Variants in TENM2 observed in about 807,000 individuals in gnomAD.
TENM2 encodes teneurin transmembrane protein 2.
TENM2 carries 52 observed loss-of-function variants against 245.2 expected under a neutral mutation model. The observed-to-expected ratio is 0.21, with a 90% CI of 0.17 to 0.27. TENM2 has a LOEUF of 0.27. Ranked by LOEUF, TENM2 falls within the 10% of genes least tolerant of loss-of-function variation. The probability of loss-of-function intolerance (pLI) is 1.00; values close to 1 mark genes in which losing one functional copy is unlikely to be tolerated. For synonymous variants in TENM2, 1,363 were observed against 1,438.9 expected, an observed-to-expected ratio of 0.95 and a Z score of 1.19; for missense variants, 3,046 against 3,666.8, an observed-to-expected ratio of 0.83 and a Z score of 4.37.
chr5:168,080,820 T>C (rs1300219421), intron 7 of TENM2, among the ~76,000 whole-genome samples: 1 of 152,212 alleles, frequency 6.6e-6, no homozygotes, highest in Non-Finnish European at 1.5e-5. Context: ...TTCTGTTCTT[T>C]TACATTTGCT....
At chr5:167,444,218 A>G (rs1306740306) in intron 2 of TENM2, among the ~76,000 whole-genome samples, 2 of 152,110 alleles carry the variant, frequency 1.3e-5, no homozygotes, top group East Asian at 1.9e-4. Flanking sequence ...ACTTTCTTTT[A>G]TATTTCTACA....
chr5:167,503,181 A>G (rs1769321259), intron 2 of TENM2, among the ~76,000 whole-genome samples: 1 of 152,160 alleles, frequency 6.6e-6, no homozygotes, highest in Admixed American at 6.6e-5. Flanking sequence ...CAAAATTTGG[A>G]AATACAGTAA....
chr5:167,032,470 A>T, the TENM2 span, among the ~76,000 whole-genome samples: 1 of 152,186 alleles, frequency 6.6e-6, no homozygotes, highest in African/African-American at 2.4e-5. Flanking sequence ...AACCAACGAA[A>T]TGCCCTTGTG....
chr5:167,858,721 G>T (rs903851817), intron 2 of TENM2, among the ~76,000 whole-genome samples: 3 of 150,746 alleles, frequency 2.0e-5, no homozygotes, highest in Non-Finnish European at 4.4e-5. Context: ...CCGCTGCCGC[G>T]ACCGACCGCA....
intron 2 of TENM2, among the ~76,000 whole-genome samples, chr5:167,600,493 C>A (rs1485426953): frequency 6.6e-6 from 1 of 151,990 alleles, no homozygotes; most frequent in Non-Finnish European, 1.5e-5. Flanking sequence ...GAAAATAGAT[C>A]CACAAATGTC....
intron 2 of TENM2, among the ~76,000 whole-genome samples, chr5:167,854,076 A>G (rs776923914): frequency 2.6e-5 from 4 of 152,196 alleles, no homozygotes; most frequent in African/African-American, 7.2e-5. Context: ...CACATCACCT[A>G]TCTTCCATTT....
intron 13 of TENM2, among the ~76,000 whole-genome samples, chr5:168,168,148 G>C (rs980648528): frequency 6.6e-6 from 1 of 152,170 alleles, no homozygotes; most frequent in Admixed American, 6.5e-5. Context: ...TTATTAGTCA[G>C]ACATAGAATG....
At chr5:167,375,020 T>G (rs1435078710) in intron 1 of TENM2, among the ~76,000 whole-genome samples, 178 bp from the exon 4 acceptor site, 2 of 152,196 alleles carry the variant, frequency 1.3e-5, no homozygotes, top group Non-Finnish European at 2.9e-5. Context: ...CTTTTGTTTG[T>G]TTTTCAAAGG....
chr5:167,577,319 A>G (rs1002325178), intron 2 of TENM2, among the ~76,000 whole-genome samples: 13 of 152,128 alleles, frequency 8.5e-5, no homozygotes, highest in African/African-American at 3.1e-4. Context: ...TATGTTGGAG[A>G]GCTTTCGGTT....
the TENM2 span, among the ~76,000 whole-genome samples, chr5:166,990,762 C>G: frequency 6.6e-6 from 1 of 152,118 alleles, no homozygotes; most frequent in African/African-American, 2.4e-5. Context: ...TTTTACTTTT[C>G]TGTTAAATAG....
At chr5:167,484,787 T>A (rs1263944364) in intron 2 of TENM2, among the ~76,000 whole-genome samples, 1 of 152,130 alleles carries the variant, frequency 6.6e-6, no homozygotes, top group Non-Finnish European at 1.5e-5. Context: ...AACATAGAGT[T>A]CCCTCAAGAG....
At chr5:168,065,267 T>C (rs1790397691) in intron 7 of TENM2, among the ~76,000 whole-genome samples, 1 of 152,214 alleles carries the variant, frequency 6.6e-6, no homozygotes, top group South Asian at 2.1e-4. Flanking sequence ...CCTGCTTAAA[T>C]TTCCCAAGAA....
intron 2 of TENM2, among the ~76,000 whole-genome samples, chr5:167,393,165 T>C (rs528110074): frequency 3.7e-4 from 52 of 142,364 alleles, no homozygotes; most frequent in African/African-American, 1.2e-3. Flanking sequence ...TATTAGGCAA[T>C]AAAAAATGAA....
At chr5:167,766,911 C>CA (rs1379294632) in intron 2 of TENM2, among the ~76,000 whole-genome samples, 2 of 151,498 alleles carry the variant, frequency 1.3e-5, no homozygotes, top group African/African-American at 4.9e-5. Flanking sequence ...AAACAAAAAA[C>CA]AAAAAACAAA....
intron 4 of TENM2, among the ~76,000 whole-genome samples, chr5:167,991,774 A>G (rs2152006047): frequency 6.6e-6 from 1 of 152,372 alleles, no homozygotes; most frequent in South Asian, 2.1e-4. Flanking sequence ...AACAGGAATC[A>G]GGATTTCACG....
chr5:167,048,742 T>C, the TENM2 span, among the ~76,000 whole-genome samples: 1 of 152,218 alleles, frequency 6.6e-6, no homozygotes, highest in African/African-American at 2.4e-5. Flanking sequence ...TGTTACCTTT[T>C]ATCTTGAGTT....
In TENM2 at chr5:168,211,073, TAGAA is replaced by T. The variant is rs532909532; in HGVS notation, c.3825-656_3825-653del. Reference sequence around the variant, plus strand: ...TATTGCAATATTGGACGTTACCTTTTAGAAAGAATGCATATTTGGGGTCCCACCC... The same window carrying T: ...TATTGCAATATTGGACGTTACCTTTTAGAATGCATATTTGGGGTCCCACCC... On this transcript the variant is annotated intron_variant, in intron 19 of 28. Transcript: ENST00000518659. Among the ~76,000 whole-genome samples, 414 of 152,326 alleles carry T rather than the reference TAGAA, an allele frequency of 2.7e-3. 5 individuals carry two copies. Among genetic ancestry groups the T allele is most frequent in the African/African-American group, 9.5e-3 (394 of 41,578 alleles).
At chr5:167,967,350 G>A (rs545378135) in intron 4 of TENM2, among the ~76,000 whole-genome samples, 12 of 152,202 alleles carry the variant, frequency 7.9e-5, no homozygotes, top group East Asian at 1.9e-4. Flanking sequence ...AAACACACTC[G>A]AACCCATTAA....
At chr5:167,571,974 C>T (rs1774294072) in intron 2 of TENM2, among the ~76,000 whole-genome samples, 1 of 152,222 alleles carries the variant, frequency 6.6e-6, no homozygotes, top group Non-Finnish European at 1.5e-5. Flanking sequence ...CTAGCCAGGC[C>T]TTGCAGCTCC....
Sources: allele counts gnomAD v4.1 joint callset (sites outside exome capture counted in the v4.1 genomes callset), GRCh38; gene constraint gnomAD v4.1.1; transcripts MANE v1.5; gene names NCBI Gene and HGNC (gene_info 2026-07-23, HGNC 2026-07-21).